PDE2A: variants seen among roughly 807,000 people sequenced by gnomAD.
PDE2A encodes cGMP-dependent 3',5'-cyclic phosphodiesterase.
Under a neutral mutation model 133.6 loss-of-function variants are expected in PDE2A, and 53 were observed. That is an observed-to-expected ratio of 0.40 (90% CI 0.32 to 0.50). The LOEUF (loss-of-function observed/expected upper bound fraction) is 0.50, where lower values mean the gene tolerates loss of function less well. PDE2A is among the 20% of genes least tolerant of loss of function. The pLI is 0.73. For synonymous variants in PDE2A, 491 were observed against 490.2 expected, an observed-to-expected ratio of 1.00 and a Z score of -0.02; for missense variants, 796 against 1,232.4, an observed-to-expected ratio of 0.65 and a Z score of 5.30.
chr11:72,584,341 A>G, intron 18 of PDE2A, 28 bp from the exon 19 acceptor site: 1 of 1,454,078 alleles, frequency 6.9e-7, no homozygotes. Context: ...GCAAGGAACC[A>G]CCGGTGGAGG....
intron 1 of PDE2A, among the ~76,000 whole-genome samples, chr11:72,645,395 G>A (rs147103412): frequency 6.6e-6 from 1 of 152,252 alleles, no homozygotes; most frequent in African/African-American, 2.4e-5. Flanking sequence ...TCCCCAACCA[G>A]CACCCTTCCT....
At chr11:72,652,074 C>T (rs1359305003) in intron 1 of PDE2A, among the ~76,000 whole-genome samples, 1 of 152,218 alleles carries the variant, frequency 6.6e-6, no homozygotes, top group Admixed American at 6.5e-5. Flanking sequence ...GAAAAGGAAC[C>T]AGTGGGAGCC....
chr11:72,641,670 C>G (rs139985269), intron 2 of PDE2A, among the ~76,000 whole-genome samples: 1 of 152,230 alleles, frequency 6.6e-6, no homozygotes, highest in East Asian at 1.9e-4. Context: ...GGGAAGGGAT[C>G]GGGGAGTGGG....
At chr11:72,616,754 C>G (rs1857496023) in intron 2 of PDE2A, among the ~76,000 whole-genome samples, 1 of 152,210 alleles carries the variant, frequency 6.6e-6, no homozygotes, top group Non-Finnish European at 1.5e-5. Flanking sequence ...ATCATCTCCA[C>G]GTGCAGACCG....
chr11:72,613,969 G>A (rs79262812), intron 2 of PDE2A, among the ~76,000 whole-genome samples: 2,899 of 152,320 alleles, frequency 0.019, 98 homozygotes, highest in African/African-American at 0.067. Context: ...CCCAGTCAGG[G>A]TGACTGGCAG....
intron 1 of PDE2A, among the ~76,000 whole-genome samples, chr11:72,653,738 C>G (rs966168708): frequency 1.3e-5 from 2 of 152,234 alleles, no homozygotes; most frequent in South Asian, 2.1e-4. Flanking sequence ...CAGTCCTGGG[C>G]CCCTGCTCCT....
At chr11:72,646,814 C>T (rs541765360) in intron 1 of PDE2A, among the ~76,000 whole-genome samples, 1 of 152,350 alleles carries the variant, frequency 6.6e-6, no homozygotes, top group Non-Finnish European at 1.5e-5. Flanking sequence ...CTTCCAAAGG[C>T]ATATCTGCCT....
At chr11:72,648,215 A>T (rs459854) in intron 1 of PDE2A, among the ~76,000 whole-genome samples, 118,694 of 152,124 alleles carry the variant, frequency 0.78, 46,927 homozygotes, top group Middle Eastern at 0.84. Flanking sequence ...GGTGCCTGGG[A>T]AGGCCTGTCT....
At chr11:72,666,235 C>T (rs1405703024) in intron 1 of PDE2A, among the ~76,000 whole-genome samples, 2 of 152,194 alleles carry the variant, frequency 1.3e-5, no homozygotes, top group Admixed American at 6.5e-5. Flanking sequence ...CCAGGTCAGA[C>T]ACTCCCCTCT....
intron 2 of PDE2A, among the ~76,000 whole-genome samples, chr11:72,635,026 C>T (rs1858610715): frequency 1.3e-5 from 2 of 152,228 alleles, no homozygotes; most frequent in South Asian, 4.1e-4. Flanking sequence ...TCTCCTTCCT[C>T]CACTGCTGCC....
intron 6 of PDE2A, among the ~76,000 whole-genome samples, chr11:72,594,533 C>A (rs1212680985): frequency 2.0e-5 from 3 of 152,246 alleles, no homozygotes; most frequent in Admixed American, 6.5e-5. Context: ...AATCTAAACA[C>A]CTTTCAAGAG....
At chr11:72,637,045 CTCTG>C (rs1337796140) in intron 2 of PDE2A, among the ~76,000 whole-genome samples, 2 of 137,518 alleles carry the variant, frequency 1.5e-5, no homozygotes, top group Non-Finnish European at 2.9e-5. Flanking sequence ...GCTCTCCTCC[CTCTG>C]TCTGCCACCA....
chr11:72,658,352 G>A (rs767402399), intron 1 of PDE2A: 4 of 358,370 alleles, frequency 1.1e-5, no homozygotes, highest in African/African-American at 2.1e-5. Context: ...ATCCAAGCAG[G>A]CTGGAGCTGT....
intron 1 of PDE2A, among the ~76,000 whole-genome samples, chr11:72,655,653 A>C (rs562233283): frequency 2.6e-5 from 4 of 152,150 alleles, no homozygotes; most frequent in African/African-American, 9.6e-5. Flanking sequence ...AAGTCACTTA[A>C]CCTCTCTGAG....
At chr11:72,613,844 C>T (rs914530429) in intron 2 of PDE2A, among the ~76,000 whole-genome samples, 4 of 152,174 alleles carry the variant, frequency 2.6e-5, no homozygotes, top group Admixed American at 2.0e-4. Flanking sequence ...CCTCCTGTTC[C>T]GGTGGGCAAT....
At chr11:72,654,530 G>A (rs1764799721) in intron 1 of PDE2A, among the ~76,000 whole-genome samples, 5 of 152,032 alleles carry the variant, frequency 3.3e-5, no homozygotes, top group Admixed American at 2.0e-4. Flanking sequence ...GTGTGGGGTG[G>A]CCTGGGGTGG....
At chr11:72,612,781 G>A (rs1186927891) in intron 2 of PDE2A, among the ~76,000 whole-genome samples, 1 of 152,076 alleles carries the variant, frequency 6.6e-6, no homozygotes, top group African/African-American at 2.4e-5. Context: ...AGCTCCACCT[G>A]CAGCTCTGTA....
At position 72,615,568 on chromosome 11, in the gene PDE2A, C is replaced by T. The variant is rs1414851049; in HGVS notation, c.145-6817G>A. ...CCTGCAAGGCAGACATCAGATCAAGCGGGGCAGAGCCAGCTCAGGTCTCCT... is the reference window on the plus strand; with the variant it reads ...CCTGCAAGGCAGACATCAGATCAAGTGGGGCAGAGCCAGCTCAGGTCTCCT... On this transcript the variant is annotated intron_variant, in intron 2 of 30. Transcript: ENST00000334456. Among the ~76,000 whole-genome samples the T allele has an allele frequency of 3.9e-5, 6 of 152,130 alleles. No individual in the cohort carries two copies. The South Asian group carries it at 6.2e-4, about 16-fold the overall frequency.
chr11:72,605,037 G>T, intron 4 of PDE2A, 101 bp downstream of exon 4: 1 of 678,030 alleles, frequency 1.5e-6, no homozygotes, highest in Non-Finnish European at 2.5e-6. Flanking sequence ...GGGGATCAAT[G>T]TTGGAAGGGG....
Sources: allele counts gnomAD v4.1 joint callset (sites outside exome capture counted in the v4.1 genomes callset), GRCh38; gene constraint gnomAD v4.1.1; transcripts MANE v1.5; gene names NCBI Gene and HGNC (gene_info 2026-07-23, HGNC 2026-07-21).